Variants in CAMK2D observed in about 807,000 individuals in gnomAD.
CAMK2D encodes calcium/calmodulin dependent protein kinase II delta.
A neutral mutation model predicts 84.0 loss-of-function variants in CAMK2D; 37 were observed. The observed-to-expected ratio is 0.44, with a 90% CI of 0.34 to 0.58. The LOEUF (loss-of-function observed/expected upper bound fraction) is 0.58, where lower values mean the gene tolerates loss of function less well. Among genes scored for constraint, CAMK2D ranks in the 20% least tolerant of loss-of-function variants. The pLI, the probability that CAMK2D is intolerant of heterozygous loss-of-function variation, is 0.02. For missense variants in CAMK2D, 448 were observed against 652.5 expected (o/e 0.69, Z 3.41); for synonymous variants, 202 against 212.5 (o/e 0.95, Z 0.43).
At chr4:113,543,903 T>C (rs140291532) in intron 6 of CAMK2D, among the ~76,000 whole-genome samples, 6,723 of 152,092 alleles carry the variant, frequency 0.044, 505 homozygotes, top group African/African-American at 0.15. Flanking sequence ...GCCATTCTCC[T>C]GCCTCAGCCT....
chr4:113,713,301 C>A (rs539144535), intron 2 of CAMK2D, among the ~76,000 whole-genome samples: 174 of 151,638 alleles, frequency 1.1e-3, no homozygotes, highest in Non-Finnish European at 1.9e-3. Flanking sequence ...TAGGTATTAT[C>A]AAATGGTTTT....
intron 4 of CAMK2D, among the ~76,000 whole-genome samples, chr4:113,566,711 T>C (rs986249733): frequency 1.3e-5 from 2 of 152,208 alleles, no homozygotes; most frequent in East Asian, 1.9e-4. Flanking sequence ...TTCTCAGGGC[T>C]GTACCCATTG....
intron 16 of CAMK2D, among the ~76,000 whole-genome samples, chr4:113,481,224 A>T (rs1036727835): frequency 1.3e-5 from 2 of 152,140 alleles, no homozygotes; most frequent in Non-Finnish European, 2.9e-5. Context: ...AGGACATGTC[A>T]TGGTTGGTAT....
At chr4:113,641,124 T>C (rs756919137) in intron 3 of CAMK2D, among the ~76,000 whole-genome samples, 1 of 152,214 alleles carries the variant, frequency 6.6e-6, no homozygotes, top group Non-Finnish European at 1.5e-5. Context: ...GTGTTTGGTA[T>C]CATGTTGTTC....
rs569971876 is a variant in CAMK2D at position 113,584,960 on chromosome 4, A to C, written c.275+24192T>G. The stretch of plus-strand genomic sequence containing the variant: ...TCACAGATCCCTGCTGAAGCTGGGA[A>C]CCAGAGGGCTGAGTCACTCTCCCCT... On this transcript the variant is annotated intron_variant, in intron 4 of 20. Coordinates refer to ENST00000511664, the MANE Select transcript of CAMK2D (RefSeq NM_001321571.2). 1.1e-4 allele frequency among the ~76,000 whole-genome samples: 16 copies of C among 152,316 alleles called. No individual in the cohort carries two copies. In the South Asian group the frequency reaches 3.3e-3, roughly 32 times the overall value.
chr4:113,646,300 A>T lies in CAMK2D; in HGVS notation c.220+15413T>A, dbSNP rs1328137523. Among the ~76,000 whole-genome samples the T allele has an allele frequency of 6.6e-5, 10 of 152,278 alleles. No individual in the cohort carries two copies. In the East Asian group the frequency reaches 1.9e-3, roughly 29 times the overall value. On this transcript the variant is annotated intron_variant, in intron 3 of 20. Transcript: ENST00000511664. ...TATAGCATGTATTTATTGAGCGCAGACTCTACGGCAGGTGCTTTTTTAGGT... is the reference window on the plus strand; with the variant it reads ...TATAGCATGTATTTATTGAGCGCAGTCTCTACGGCAGGTGCTTTTTTAGGT...
intron 7 of CAMK2D, among the ~76,000 whole-genome samples, chr4:113,532,000 C>T (rs2154183547): frequency 6.6e-6 from 1 of 152,184 alleles, no homozygotes; most frequent in South Asian, 2.1e-4. Context: ...TAACTATCCT[C>T]ATTTGGAAGT....
chr4:113,515,814 T>G (rs2098276780), intron 9 of CAMK2D, among the ~76,000 whole-genome samples: 1 of 152,206 alleles, frequency 6.6e-6, no homozygotes, highest in East Asian at 1.9e-4. Flanking sequence ...ATCTGCCCAA[T>G]TACAAATTTC....
chr4:113,670,296 T>TAAAC (rs1216478180), intron 2 of CAMK2D, among the ~76,000 whole-genome samples: 20 of 137,216 alleles, frequency 1.5e-4, no homozygotes, highest in African/African-American at 3.5e-4. Flanking sequence ...AATAAATAAA[T>TAAAC]AAACAAACAA....
In CAMK2D at chr4:113,462,082, C is replaced by T. The variant is rs374662906; in HGVS notation, c.1212-1841G>A. Among the ~76,000 whole-genome samples, 19 of 152,198 alleles carry T rather than the reference C, an allele frequency of 1.2e-4. No individual in the cohort carries two copies. In the East Asian group the frequency reaches 3.3e-3, roughly 26 times the overall value. ...AAGCAAAATGGGAAGAACAGCGTTC[C>T]TATGGTAACAAGAATTTATTCTGCC... On this transcript the variant is annotated intron_variant, in intron 17 of 20. Coordinates refer to ENST00000511664, the MANE Select transcript of CAMK2D (RefSeq NM_001321571.2).
chr4:113,717,180 G>A (rs1364038830), intron 2 of CAMK2D, among the ~76,000 whole-genome samples: 1 of 152,034 alleles, frequency 6.6e-6, no homozygotes, highest in African/African-American at 2.4e-5. Context: ...AAAGGCAGAT[G>A]TCTCAAAGAG....
At chr4:113,747,277 C>T (rs1258884980) in intron 2 of CAMK2D, among the ~76,000 whole-genome samples, 2 of 148,252 alleles carry the variant, frequency 1.3e-5, no homozygotes, top group Non-Finnish European at 3.0e-5. Context: ...TAAACTATAT[C>T]ACAGAATTAA....
At chr4:113,696,233 T>C (rs899190413) in intron 2 of CAMK2D, among the ~76,000 whole-genome samples, 59 of 115,256 alleles carry the variant, frequency 5.1e-4, no homozygotes, top group African/African-American at 1.6e-3. Flanking sequence ...CACACACACA[T>C]ACACATATAC....
intron 3 of CAMK2D, among the ~76,000 whole-genome samples, chr4:113,630,665 C>T (rs566680298): frequency 6.6e-6 from 1 of 152,276 alleles, no homozygotes; most frequent in South Asian, 2.1e-4. Context: ...ATTAAATATA[C>T]TGCTGACTCC....
intron 16 of CAMK2D, among the ~76,000 whole-genome samples, chr4:113,484,691 A>T (rs2097747803): frequency 6.6e-6 from 1 of 152,224 alleles, no homozygotes; most frequent in African/African-American, 2.4e-5. Flanking sequence ...AAGTCAACAC[A>T]TTCCTTTATA....
chr4:113,462,138 T>G (rs1216061460), intron 17 of CAMK2D, among the ~76,000 whole-genome samples: 1 of 152,190 alleles, frequency 6.6e-6, no homozygotes, highest in African/African-American at 2.4e-5. Flanking sequence ...TAAATATGGT[T>G]TTTGGTTGTC....
chr4:113,759,143 T>A (rs923003880), intron 2 of CAMK2D, 177 bp downstream of exon 2: 1 of 375,624 alleles, frequency 2.7e-6, no homozygotes, highest in Non-Finnish European at 4.7e-6. Flanking sequence ...TATCTTTCCA[T>A]GTATTTTTAA....
chr4:113,627,006 T>C (rs867666917), intron 3 of CAMK2D, among the ~76,000 whole-genome samples: 21 of 152,164 alleles, frequency 1.4e-4, no homozygotes, highest in African/African-American at 4.8e-4. Flanking sequence ...AGATTTTTCA[T>C]AGAGATTTGT....
chr4:113,673,588 G>C (rs1284546004), intron 2 of CAMK2D, among the ~76,000 whole-genome samples: 1 of 152,236 alleles, frequency 6.6e-6, no homozygotes, highest in Non-Finnish European at 1.5e-5. Context: ...GAGAGAGTCA[G>C]CAATCATGCA....
Sources: gnomAD v4.1 joint callset for allele counts (sites outside exome capture counted in the v4.1 genomes callset) on GRCh38, gnomAD v4.1.1 for gene constraint, MANE v1.5 for transcripts, NCBI Gene and HGNC (gene_info 2026-07-23, HGNC 2026-07-21) for gene names.